MPP7: variants seen among roughly 807,000 people sequenced by gnomAD.
MPP7 encodes the protein MAGUK p55 scaffold protein 7, also known as MAGUK p55 subfamily member 7.
MPP7 carries 60 observed loss-of-function variants against 76.5 expected under a neutral mutation model. The observed-to-expected ratio is 0.78, with a 90% CI of 0.64 to 0.97. The LOEUF (loss-of-function observed/expected upper bound fraction) is 0.97, where lower values mean the gene tolerates loss of function less well. MPP7 is among the 50% of genes least tolerant of loss of function. The pLI is 0.00. For synonymous variants in MPP7, 237 were observed against 244.5 expected, an observed-to-expected ratio of 0.97 and a Z score of 0.29; for missense variants, 641 against 694.0, an observed-to-expected ratio of 0.92 and a Z score of 0.86.
At chr10:28,210,608 A>T (rs1315333157) in intron 2 of MPP7, among the ~76,000 whole-genome samples, 2 of 152,232 alleles carry the variant, frequency 1.3e-5, no homozygotes, top group East Asian at 3.8e-4. Flanking sequence ...GGGGCTAAGA[A>T]AGGCGCTTAA....
intron 2 of MPP7, among the ~76,000 whole-genome samples, chr10:28,215,224 A>T (rs1231353686): frequency 6.6e-6 from 1 of 152,162 alleles, no homozygotes; most frequent in East Asian, 1.9e-4. Flanking sequence ...CGGTCTCCTG[A>T]ACAGCCAGCT....
intron 7 of MPP7, among the ~76,000 whole-genome samples, chr10:28,124,506 C>T (rs1022943368): frequency 1.9e-5 from 2 of 105,504 alleles, no homozygotes; most frequent in African/African-American, 3.7e-5. Flanking sequence ...GACGGAGTCT[C>T]GCTCTGTCAC....
chr10:28,199,768 G>GTAT (rs1339537899), intron 3 of MPP7, among the ~76,000 whole-genome samples: 2 of 151,774 alleles, frequency 1.3e-5, no homozygotes, highest in African/African-American at 4.8e-5. Flanking sequence ...TACTATGCCT[G>GTAT]GCTAATTTTT....
chr10:28,111,212 A>T (rs1834495396), intron 11 of MPP7, among the ~76,000 whole-genome samples: 1 of 152,116 alleles, frequency 6.6e-6, no homozygotes, highest in African/African-American at 2.4e-5. Flanking sequence ...AGGAAAAAAA[A>T]AATCCACCTA....
At chr10:28,137,243 T>C (rs1318843888) in intron 5 of MPP7, among the ~76,000 whole-genome samples, 1 of 152,156 alleles carries the variant, frequency 6.6e-6, no homozygotes, top group East Asian at 1.9e-4. Context: ...CAAAAATATC[T>C]TTTAGAAATG....
Position 28,165,924 on chromosome 10 carries a change from C to T in MPP7, c.157-15865G>A, listed in dbSNP as rs541473928. Among the ~76,000 whole-genome samples, 10 of 149,750 alleles carry T rather than the reference C, an allele frequency of 6.7e-5. No individual in the cohort carries two copies. The East Asian group carries it at 2.0e-3, about 30-fold the overall frequency. On this transcript the variant is annotated intron_variant, in intron 3 of 16. Transcript: ENST00000683449. Reference sequence around the variant, plus strand: ...CCTGTAGTCTCAGCTACTTGGGAGGCTGAGGCCGAAGAATCGCTTGAACTC... The same window carrying T: ...CCTGTAGTCTCAGCTACTTGGGAGGTTGAGGCCGAAGAATCGCTTGAACTC...
intron 2 of MPP7, among the ~76,000 whole-genome samples, chr10:28,220,318 C>T (rs1838458016): frequency 6.6e-6 from 1 of 152,032 alleles, no homozygotes; most frequent in Admixed American, 6.6e-5. Flanking sequence ...AAAATAAAGC[C>T]ATAGAAAAAT....
At position 28,152,561 on chromosome 10, in the gene MPP7, G is replaced by A. The variant is rs764633907; in HGVS notation, c.157-2502C>T. ...GTGATGGTGAAAATGTTTTATAGCC[G>A]TTTGCCCAATATGGTTAGCCACTGG... On this transcript the variant is annotated intron_variant, in intron 3 of 16. Coordinates refer to ENST00000683449, the MANE Select transcript of MPP7 (RefSeq NM_001318170.2). Among the ~76,000 whole-genome samples, 8 of 152,282 alleles carry A rather than the reference G, an allele frequency of 5.3e-5. No individual in the cohort carries two copies. The East Asian group carries it at 5.8e-4, about 11-fold the overall frequency.
intron 1 of MPP7, among the ~76,000 whole-genome samples, chr10:28,262,807 G>A (rs1329185806): frequency 2.0e-5 from 3 of 152,124 alleles, no homozygotes; most frequent in Non-Finnish European, 4.4e-5. Flanking sequence ...TGTAATCCCA[G>A]CACTTTGGGA....
chr10:28,225,729 G>A (rs1838666701), intron 2 of MPP7, among the ~76,000 whole-genome samples: 1 of 152,178 alleles, frequency 6.6e-6, no homozygotes, highest in Non-Finnish European at 1.5e-5. Context: ...GTAAAATGTT[G>A]CGGCATCCAT....
intron 1 of MPP7, among the ~76,000 whole-genome samples, chr10:28,300,607 T>C (rs1401930422): frequency 6.6e-6 from 1 of 152,140 alleles, no homozygotes; most frequent in East Asian, 1.9e-4. Context: ...AAAATGTACA[T>C]GTGAAACAGA....
At chr10:28,210,674 G>T (rs1838103502) in intron 2 of MPP7, among the ~76,000 whole-genome samples, 1 of 152,148 alleles carries the variant, frequency 6.6e-6, no homozygotes, top group South Asian at 2.1e-4. Flanking sequence ...TTTTAAACAG[G>T]TTACCAAAGC....
intron 6 of MPP7, among the ~76,000 whole-genome samples, chr10:28,128,331 C>A (rs1835083839): frequency 6.7e-6 from 1 of 148,466 alleles, no homozygotes; most frequent in Non-Finnish European, 1.5e-5. Flanking sequence ...GTTGAGCATC[C>A]CAAATCCAAG....
intron 3 of MPP7, among the ~76,000 whole-genome samples, chr10:28,199,153 T>A (rs746942583): frequency 6.6e-6 from 1 of 151,958 alleles, no homozygotes; most frequent in Non-Finnish European, 1.5e-5. Flanking sequence ...TTCACTACCA[T>A]GAGAAGAGTA....
chr10:28,149,689 C>G (rs1835815486), intron 4 of MPP7, among the ~76,000 whole-genome samples: 1 of 150,700 alleles, frequency 6.6e-6, no homozygotes, highest in Non-Finnish European at 1.5e-5. Context: ...TCTCAGAACA[C>G]CAACAGCTGA....
intron 1 of MPP7, among the ~76,000 whole-genome samples, chr10:28,269,941 G>C (rs892090934): frequency 1.3e-5 from 2 of 152,182 alleles, no homozygotes; most frequent in Non-Finnish European, 2.9e-5. Flanking sequence ...AAAGAGACCT[G>C]AGTTGGAGTT....
intron 1 of MPP7, among the ~76,000 whole-genome samples, chr10:28,287,982 A>C (rs1840827044): frequency 6.6e-6 from 1 of 152,226 alleles, no homozygotes; most frequent in Admixed American, 6.5e-5. Context: ...ATCAGAAAAG[A>C]CTATTAAAAC....
At chr10:28,317,895 G>C (rs964888555) in intron 2 of MPP7, among the ~76,000 whole-genome samples, 5 of 152,180 alleles carry the variant, frequency 3.3e-5, no homozygotes, top group African/African-American at 9.7e-5. Context: ...GCTTCGATTA[G>C]AGCAAGACAC....
intron 11 of MPP7, among the ~76,000 whole-genome samples, chr10:28,108,235 G>A (rs575222759): frequency 6.6e-6 from 1 of 152,144 alleles, no homozygotes; most frequent in African/African-American, 2.4e-5. Flanking sequence ...TAACCTCACA[G>A]TATTAGAGAA....
Sources: allele counts gnomAD v4.1 joint callset (sites outside exome capture counted in the v4.1 genomes callset), GRCh38; gene constraint gnomAD v4.1.1; transcripts MANE v1.5; gene names NCBI Gene and HGNC (gene_info 2026-07-23, HGNC 2026-07-21).